Variants in DOCK9 observed in about 807,000 individuals in gnomAD.
The protein encoded by DOCK9 is dedicator of cytokinesis protein 9.
In DOCK9, 89 loss-of-function variants were observed where a neutral mutation model predicts 263.3. The ratio of observed to expected loss-of-function variants is 0.34; its 90% CI spans 0.28 to 0.40. The LOEUF (loss-of-function observed/expected upper bound fraction) is 0.40, where lower values mean the gene tolerates loss of function less well. Ranked by LOEUF, DOCK9 falls within the 10% of genes least tolerant of loss-of-function variation. The pLI is 1.00. For missense variants in DOCK9, 2,140 were observed against 2,603.4 expected (o/e 0.82, Z 3.87); for synonymous variants, 976 against 973.1 (o/e 1.00, Z -0.06).
chr13:99,055,458 G>T (rs1296673493), intron 1 of DOCK9, among the ~76,000 whole-genome samples: 1 of 152,124 alleles, frequency 6.6e-6, no homozygotes, highest in Non-Finnish European at 1.5e-5. Context: ...GCGGGGAAGG[G>T]GGCATCGCAC....
chr13:98,948,851 G>A (rs941080274), intron 2 of DOCK9, among the ~76,000 whole-genome samples: 1 of 151,570 alleles, frequency 6.6e-6, no homozygotes, highest in African/African-American at 2.4e-5. Flanking sequence ...CCTCCTCAGG[G>A]TCCATCCATA....
intron 23 of DOCK9, 54 bp downstream of exon 23, chr13:98,882,988 C>G (rs1594939224): frequency 6.6e-7 from 1 of 1,505,094 alleles, no homozygotes; most frequent in East Asian, 2.3e-5. Context: ...AAAGAGAAAA[C>G]CCAACCTACT....
chr13:98,836,647 G>A (rs1162535034), intron 39 of DOCK9, among the ~76,000 whole-genome samples: 1 of 152,122 alleles, frequency 6.6e-6, no homozygotes, highest in African/African-American at 2.4e-5. Flanking sequence ...TGGGCTCCTA[G>A]TAATGAGTTT....
At chr13:98,877,335 T>C (rs1466969557) in intron 27 of DOCK9, among the ~76,000 whole-genome samples, 12 of 152,218 alleles carry the variant, frequency 7.9e-5, no homozygotes, top group Non-Finnish European at 1.8e-4. Flanking sequence ...AACAAACACA[T>C]GCAAGTAAAT....
chr13:98,911,212 A>G (rs148049663), intron 9 of DOCK9, among the ~76,000 whole-genome samples: 34 of 152,178 alleles, frequency 2.2e-4, no homozygotes, highest in Non-Finnish European at 4.4e-4. Context: ...ACCTTCCTAA[A>G]TAAAAGTATT....
intron 43 of DOCK9, 127 bp from the exon 44 acceptor site, chr13:98,827,014 C>A: frequency 6.6e-6 from 4 of 610,150 alleles, no homozygotes; most frequent in South Asian, 2.9e-5. Context: ...GCTAGTATTT[C>A]TAATAGCTGA....
chr13:99,014,558 C>A (rs538401097), intron 1 of DOCK9, among the ~76,000 whole-genome samples: 1 of 152,194 alleles, frequency 6.6e-6, no homozygotes, highest in African/African-American at 2.4e-5. Context: ...CATGCCAATA[C>A]CCCCTTCTCA....
rs557976768 is a variant in DOCK9, at chr13:98,869,319, C to A, written c.2944-942G>T. Among the ~76,000 whole-genome samples the A allele has an allele frequency of 2.6e-5, 4 of 152,306 alleles. No homozygotes were observed. The South Asian group carries it at 6.2e-4, about 24-fold the overall frequency. On this transcript the variant is annotated intron_variant, in intron 27 of 52. Coordinates refer to ENST00000682017, the MANE Select transcript of DOCK9 (RefSeq NM_001366683.2). ...TTTGTATGTACTTTTTCATTCAATT[C>A]TTGTAATACCCCTATAAGTTTAATC...
At chr13:98,802,327 T>C (rs1013774532) in intron 49 of DOCK9, among the ~76,000 whole-genome samples, 7 of 152,214 alleles carry the variant, frequency 4.6e-5, no homozygotes, top group East Asian at 3.9e-4. Flanking sequence ...CAGTGTGCAA[T>C]ACATTTTGTT....
chr13:98,827,332 A>T (rs1194241239), intron 43 of DOCK9, among the ~76,000 whole-genome samples: 1 of 152,248 alleles, frequency 6.6e-6, no homozygotes, highest in African/African-American at 2.4e-5. Flanking sequence ...AGCAAGTTAT[A>T]ATTTTTTCCA....
At chr13:99,071,570 T>G (rs2041680927) in intron 1 of DOCK9, among the ~76,000 whole-genome samples, 1 of 151,878 alleles carries the variant, frequency 6.6e-6, no homozygotes, top group Non-Finnish European at 1.5e-5. Flanking sequence ...GTGAGTAGGC[T>G]AAGGAAGAGG....
Position 98,856,039 on chromosome 13 carries a change from G to C in DOCK9, c.3698-8C>G. On this transcript the variant is annotated splice_region_variant and splice_polypyrimidine_tract_variant and intron_variant, in intron 33 of 52. Transcript: ENST00000682017. ...AGGTTGTATATGGAGAAGCTAAATG[G>C]AAATCAAGCCAACAATAAAGTTTTA... 5.6e-6 allele frequency: 9 copies of C among 1,613,436 alleles called. No individual in the cohort carries two copies. Among genetic ancestry groups the C allele is most frequent in the Non-Finnish European group, 7.6e-6 (9 of 1,179,552 alleles).
At chr13:99,034,296 G>A (rs1276454200) in intron 1 of DOCK9, among the ~76,000 whole-genome samples, 1 of 152,134 alleles carries the variant, frequency 6.6e-6, no homozygotes, top group East Asian at 1.9e-4. Flanking sequence ...AGTCACTGAG[G>A]TAACAGCTCT....
intron 2 of DOCK9, among the ~76,000 whole-genome samples, chr13:98,942,571 T>G (rs1484143329): frequency 6.6e-6 from 1 of 152,186 alleles, no homozygotes; most frequent in Non-Finnish European, 1.5e-5. Context: ...TTTTAGTTGC[T>G]AAAAGGACCA....
chr13:99,051,803 C>T (rs2040707435), intron 1 of DOCK9, among the ~76,000 whole-genome samples: 2 of 129,190 alleles, frequency 1.5e-5, no homozygotes, highest in Non-Finnish European at 3.2e-5. Context: ...AAAATTCAAC[C>T]AATAAAAACT....
At chr13:98,807,221 G>A (rs768783294) in intron 48 of DOCK9, among the ~76,000 whole-genome samples, 8 of 152,144 alleles carry the variant, frequency 5.3e-5, no homozygotes, top group Non-Finnish European at 8.8e-5. Context: ...CCACAGTCAC[G>A]CTGCTGGTGA....
At chr13:98,841,179 C>A (rs564741094) in intron 38 of DOCK9, among the ~76,000 whole-genome samples, 1 of 152,182 alleles carries the variant, frequency 6.6e-6, no homozygotes, top group East Asian at 1.9e-4. Flanking sequence ...ACAAAAAAAA[C>A]AAATATGCTC....
chr13:99,088,399 T>A (rs1340), upstream of DOCK9: 46,630 of 151,918 alleles, frequency 0.31, 7,493 homozygotes, highest in East Asian at 0.43. Flanking sequence ...TCGCATTGAC[T>A]CCTTTCAGCT....
At chr13:98,921,142 C>T in intron 6 of DOCK9, 54 bp from the exon 7 acceptor site, 1 of 1,534,790 alleles carries the variant, frequency 6.5e-7, no homozygotes, top group Non-Finnish European at 8.8e-7. Flanking sequence ...GGGTCACAAT[C>T]TCTATCAATA....
Sources: gnomAD v4.1 joint callset for allele counts (sites outside exome capture counted in the v4.1 genomes callset) on GRCh38, gnomAD v4.1.1 for gene constraint, MANE v1.5 for transcripts, NCBI Gene and HGNC (gene_info 2026-07-23, HGNC 2026-07-21) for gene names.